The following DPP6 variants were observed in gnomAD, a reference collection of about 807,000 sequenced individuals.
DPP6 encodes dipeptidyl peptidase like 6.
DPP6 carries 69 observed loss-of-function variants against 122.6 expected under a neutral mutation model. The observed-to-expected ratio is 0.56, with a 90% CI of 0.46 to 0.69. The LOEUF is 0.69. Among genes scored for constraint, DPP6 ranks in the 30% least tolerant of loss-of-function variants. DPP6 has a pLI of 0.00. For missense variants in DPP6, 928 were observed against 1,116.9 expected (o/e 0.83, Z 2.41); for synonymous variants, 418 against 433.1 (o/e 0.97, Z 0.43).
At chr7:154,675,217 G>A (rs74357118) in intron 7 of DPP6, among the ~76,000 whole-genome samples, 1 of 152,128 alleles carries the variant, frequency 6.6e-6, no homozygotes, top group Non-Finnish European at 1.5e-5. Flanking sequence ...GGGGGCGGGG[G>A]GCTAGGGGAG....
chr7:153,816,689 A>G, the DPP6 span, among the ~76,000 whole-genome samples: 5 of 152,176 alleles, frequency 3.3e-5, no homozygotes, highest in African/African-American at 7.2e-5. Flanking sequence ...GGAAGACAGG[A>G]TCACATTAAT....
At chr7:153,965,152 G>A (rs958831331) in intron 1 of DPP6, among the ~76,000 whole-genome samples, 2 of 151,758 alleles carry the variant, frequency 1.3e-5, no homozygotes, top group African/African-American at 4.9e-5. Flanking sequence ...TCCTTGGTGT[G>A]TAACCGTGGC....
At chr7:154,628,488 T>C (rs1423919174) in intron 5 of DPP6, among the ~76,000 whole-genome samples, 1 of 152,180 alleles carries the variant, frequency 6.6e-6, no homozygotes, top group Admixed American at 6.5e-5. Flanking sequence ...TTTTGGCTTA[T>C]TGGTCTCACC....
chr7:154,247,815 G>A (rs916541961), intron 1 of DPP6, among the ~76,000 whole-genome samples: 1 of 152,090 alleles, frequency 6.6e-6, no homozygotes, highest in Non-Finnish European at 1.5e-5. Flanking sequence ...GTTTATAGCA[G>A]CCCTACTCAT....
chr7:153,879,720 G>T, the DPP6 span, among the ~76,000 whole-genome samples: 1 of 152,066 alleles, frequency 6.6e-6, no homozygotes, highest in African/African-American at 2.4e-5. Context: ...ATTTAACCAC[G>T]TGTTTCTCTT....
chr7:154,433,136 G>GTTTTTTTTTTTTGT (rs1818566658), intron 1 of DPP6, among the ~76,000 whole-genome samples: 1 of 72,336 alleles, frequency 1.4e-5, no homozygotes, highest in African/African-American at 5.9e-5. Context: ...TAGACTGCAA[G>GTTTTTTTTTTTTGT]TTTTTTTTTT....
intron 8 of DPP6, among the ~76,000 whole-genome samples, chr7:154,745,565 G>C (rs1349430837): frequency 6.6e-6 from 1 of 152,176 alleles, no homozygotes; most frequent in Non-Finnish European, 1.5e-5. Context: ...CTGAAACTGG[G>C]CAATTTATAA....
intron 1 of DPP6, among the ~76,000 whole-genome samples, chr7:154,415,035 GT>G (rs1816907863): frequency 6.6e-6 from 1 of 152,276 alleles, no homozygotes; most frequent in African/African-American, 2.4e-5. Context: ...CAGGGCCTTT[GT>G]CCATACCAAC....
chr7:154,020,606 G>C (rs1238042748), intron 1 of DPP6, among the ~76,000 whole-genome samples: 2 of 152,118 alleles, frequency 1.3e-5, no homozygotes, highest in Non-Finnish European at 2.9e-5. Context: ...CATTCTTGCC[G>C]TGCTGACTTG....
intron 1 of DPP6, among the ~76,000 whole-genome samples, chr7:154,303,326 C>T (rs1273068594): frequency 1.3e-5 from 2 of 152,134 alleles, no homozygotes; most frequent in Non-Finnish European, 2.9e-5. Context: ...TGACTGCCCA[C>T]CTGGCTACCC....
At chr7:154,765,623 C>G (rs1795845339) in intron 8 of DPP6, among the ~76,000 whole-genome samples, 1 of 152,178 alleles carries the variant, frequency 6.6e-6, no homozygotes, top group Non-Finnish European at 1.5e-5. Flanking sequence ...AAATACCCAG[C>G]CCAGATCCTA....
intron 8 of DPP6, among the ~76,000 whole-genome samples, chr7:154,729,044 G>C (rs1842208188): frequency 6.6e-6 from 1 of 152,160 alleles, no homozygotes; most frequent in Non-Finnish European, 1.5e-5. Context: ...TATAGATGAG[G>C]CATGGTTAGG....
At chr7:154,111,957 C>G (rs1206548419) in intron 1 of DPP6, among the ~76,000 whole-genome samples, 1 of 152,036 alleles carries the variant, frequency 6.6e-6, no homozygotes, top group Non-Finnish European at 1.5e-5. Flanking sequence ...AAATTTTGAT[C>G]AAAATTTTAT....
chr7:154,122,515 A>G (rs1464146901), intron 1 of DPP6, among the ~76,000 whole-genome samples: 2 of 152,246 alleles, frequency 1.3e-5, no homozygotes, highest in African/African-American at 2.4e-5. Context: ...ATCACTTACT[A>G]GCTGAGTGAC....
rs1800809702 is a variant in DPP6 at position 154,833,640 on chromosome 7, G to T, written c.1667-20140G>T. Reference sequence around the variant, plus strand: ...TGACTCCGTATCTCAGAGGTGGGGGGCTCTGGTCATTTGCACCAATTTCCT... The same window carrying T: ...TGACTCCGTATCTCAGAGGTGGGGGTCTCTGGTCATTTGCACCAATTTCCT... On this transcript the variant is annotated intron_variant, in intron 16 of 25. Transcript: ENST00000377770. The surrounding 1 kb of genome is among the most constrained non-coding windows in gnomAD (Gnocchi z 4.3). Among the ~76,000 whole-genome samples the T allele has an allele frequency of 6.6e-6, 1 of 152,078 alleles. No individual in the cohort carries two copies. Among genetic ancestry groups the T allele is most frequent in the Non-Finnish European group, 1.5e-5 (1 of 68,032 alleles).
intron 1 of DPP6, among the ~76,000 whole-genome samples, chr7:153,940,091 T>C (rs1801628719): frequency 6.6e-6 from 1 of 152,174 alleles, no homozygotes; most frequent in Non-Finnish European, 1.5e-5. Context: ...GCCCTCTAGC[T>C]TCCTCCTCCC....
intron 1 of DPP6, among the ~76,000 whole-genome samples, chr7:154,025,265 T>C (rs1371819429): frequency 7.1e-5 from 10 of 141,204 alleles, no homozygotes; most frequent in Admixed American, 5.9e-4. Flanking sequence ...GAAAAGGCCA[T>C]GATGAGTGGG....
intron 1 of DPP6, among the ~76,000 whole-genome samples, chr7:153,981,733 G>C (rs1199938339): frequency 6.6e-6 from 1 of 152,158 alleles, no homozygotes; most frequent in East Asian, 1.9e-4. Context: ...TTTAGGGAAG[G>C]CCTGGTGGTG....
At chr7:154,008,587 C>T (rs547366296) in intron 1 of DPP6, among the ~76,000 whole-genome samples, 1 of 152,050 alleles carries the variant, frequency 6.6e-6, no homozygotes, top group Non-Finnish European at 1.5e-5. Flanking sequence ...CTCTGAAAAG[C>T]TCACAGCAGA....
Sources: gnomAD v4.1 joint callset for allele counts (sites outside exome capture counted in the v4.1 genomes callset) on GRCh38, gnomAD v4.1.1 for gene constraint, Gnocchi (gnomAD v3.1) non-coding constraint, MANE v1.5 for transcripts, NCBI Gene and HGNC (gene_info 2026-07-23, HGNC 2026-07-21) for gene names.